The following ARHGAP32 variants were observed in gnomAD, a reference collection of about 807,000 sequenced individuals.
ARHGAP32 encodes rho GTPase-activating protein 32.
Under a neutral mutation model 186.5 loss-of-function variants are expected in ARHGAP32, and 51 were observed. The observed-to-expected ratio is 0.27, with a 90% confidence interval of 0.22 to 0.35. ARHGAP32 has a LOEUF of 0.35. ARHGAP32 is among the 10% of genes least tolerant of loss of function. The pLI, the probability that ARHGAP32 is intolerant of heterozygous loss-of-function variation, is 1.00. For synonymous variants in ARHGAP32, 950 were observed against 964.3 expected, an observed-to-expected ratio of 0.99 and a Z score of 0.27; for missense variants, 2,186 against 2,623.5, an observed-to-expected ratio of 0.83 and a Z score of 3.64.
At chr11:128,973,631 G>A (rs921601261) in intron 21 of ARHGAP32, 199 bp from the exon 22 acceptor site, 1 of 607,432 alleles carries the variant, frequency 1.6e-6, no homozygotes, top group Non-Finnish European at 2.9e-6. Flanking sequence ...AACAAACAGT[G>A]TATAAAGACT....
upstream of ARHGAP32, among the ~76,000 whole-genome samples, chr11:129,193,676 T>TAC (rs1944341145): frequency 2.1e-5 from 1 of 48,556 alleles, no homozygotes; most frequent in Non-Finnish European, 3.7e-5. Flanking sequence ...TTATATATAA[T>TAC]ATATAATATA....
chr11:129,278,339 G>T (rs1413056928), intron 1 of ARHGAP32, among the ~76,000 whole-genome samples: 1 of 152,094 alleles, frequency 6.6e-6, no homozygotes, highest in African/African-American at 2.4e-5. Flanking sequence ...TTTCCTAAAA[G>T]ATGACTATTA....
intron 6 of ARHGAP32, among the ~76,000 whole-genome samples, chr11:129,081,469 A>G (rs773872356): frequency 6.6e-6 from 1 of 152,130 alleles, no homozygotes; most frequent in Non-Finnish European, 1.5e-5. Flanking sequence ...AACCAAGTCA[A>G]TAAATGTAAT....
chr11:129,211,211 A>C (rs563105244), intron 1 of ARHGAP32, among the ~76,000 whole-genome samples: 13 of 152,188 alleles, frequency 8.5e-5, no homozygotes, highest in Admixed American at 2.0e-4. Flanking sequence ...CTGTTTTACT[A>C]GACTGCTATT....
At position 129,152,350 on chromosome 11, in the gene ARHGAP32, A is replaced by T. The variant is rs190372728; in HGVS notation, c.225+11969T>A. Among the ~76,000 whole-genome samples, 211 of 152,308 alleles carry T rather than the reference A, an allele frequency of 1.4e-3. 1 individual carries two copies. The highest frequency in any genetic ancestry group is 4.7e-3 in the African/African-American group (196 of 41,572). On this transcript the variant is annotated intron_variant, in intron 2 of 22. Transcript: ENST00000682385. ...AATCTTAGTGAAACTATTCCAAAAG[A>T]CAGAGAAAGAGGAAATCCTTCCTAA...
At chr11:129,220,689 C>A (rs1392666252) in intron 1 of ARHGAP32, among the ~76,000 whole-genome samples, 3 of 152,182 alleles carry the variant, frequency 2.0e-5, no homozygotes, top group Non-Finnish European at 4.4e-5. Flanking sequence ...CTAGGCTCCA[C>A]TCTAGAACTA....
At chr11:129,061,286 T>A (rs1335445396) in intron 10 of ARHGAP32, among the ~76,000 whole-genome samples, 1 of 152,156 alleles carries the variant, frequency 6.6e-6, no homozygotes, top group East Asian at 1.9e-4. Context: ...TAAAAAGTAG[T>A]TGCTAAGTCA....
At chr11:129,194,481 G>A (rs1374575521), upstream of ARHGAP32, among the ~76,000 whole-genome samples, 3 of 152,170 alleles carry the variant, frequency 2.0e-5, no homozygotes, top group African/African-American at 7.2e-5. Flanking sequence ...TTAAGGCAAA[G>A]AAGAAAGGGG....
At position 128,974,882 on chromosome 11, in the gene ARHGAP32, T is replaced by C. The variant is rs1945499012; in HGVS notation, c.2315A>G (p.Asn772Ser). Residue 772 changes from asparagine (N) to serine (S), a missense_variant, in exon 21 of 23, where the codon AAT becomes AGT. Asn to Ser is a conservative substitution (Grantham distance 46). Coordinates refer to ENST00000682385, the MANE Select transcript of ARHGAP32 (RefSeq NM_001378024.1). Reference sequence around the variant, plus strand: ...CAGCCCTCCTTCCTCCTCACTCTCATTGTCATGAGGCAGATTATCATAGGA... The same window carrying C: ...CAGCCCTCCTTCCTCCTCACTCTCACTGTCATGAGGCAGATTATCATAGGA... ...CNSYDNLPHDNESEEEGGLLH... is the reference protein window; with the variant it reads ...CNSYDNLPHDSESEEEGGLLH... The C allele has an allele frequency of 1.2e-6, 2 of 1,614,050 alleles. No homozygotes were observed. The highest frequency in any genetic ancestry group is 2.7e-5 in the African/African-American group (2 of 74,910).
chr11:129,134,098 A>C (rs1031564399), intron 2 of ARHGAP32, among the ~76,000 whole-genome samples: 2 of 152,188 alleles, frequency 1.3e-5, no homozygotes, highest in Non-Finnish European at 2.9e-5. Flanking sequence ...TATGTAAAAA[A>C]GATAAAAACA....
chr11:129,188,826 G>A (rs189612345), intron 1 of ARHGAP32, among the ~76,000 whole-genome samples: 4 of 152,230 alleles, frequency 2.6e-5, no homozygotes, highest in South Asian at 2.1e-4. Context: ...TCTACAGATC[G>A]TGATCAAAAA....
chr11:129,060,378 TAGATAAGATAGAC>T (rs1565401778), intron 10 of ARHGAP32, among the ~76,000 whole-genome samples: 21 of 145,230 alleles, frequency 1.4e-4, no homozygotes, highest in African/African-American at 5.3e-4. Flanking sequence ...GATAGATAGA[TAGATAAGATAGAC>T]AGACAGACAG....
At chr11:129,156,051 A>C (rs1423582685) in intron 2 of ARHGAP32, among the ~76,000 whole-genome samples, 2 of 152,044 alleles carry the variant, frequency 1.3e-5, no homozygotes, top group East Asian at 3.9e-4. Flanking sequence ...GAAACGGTGC[A>C]TTCTGATCCA....
chr11:129,028,431 G>C (rs548715287), intron 11 of ARHGAP32, among the ~76,000 whole-genome samples: 3 of 152,320 alleles, frequency 2.0e-5, no homozygotes, highest in African/African-American at 7.2e-5. Flanking sequence ...GCAAAGATAA[G>C]TTAGTTCCAC....
chr11:129,031,399 A>C (rs572912739), intron 11 of ARHGAP32, among the ~76,000 whole-genome samples: 1 of 152,318 alleles, frequency 6.6e-6, no homozygotes, highest in South Asian at 2.1e-4. Context: ...ATACCCAGAC[A>C]ATAAAATGTG....
At chr11:129,109,265 C>CAT (rs376895423) in intron 5 of ARHGAP32, among the ~76,000 whole-genome samples, 4,648 of 150,276 alleles carry the variant, frequency 0.031, 150 homozygotes, top group Admixed American at 0.089. Context: ...TATTCGATTG[C>CAT]ATATATATAT....
chr11:128,982,942 A>G (rs1945752760), intron 15 of ARHGAP32, among the ~76,000 whole-genome samples: 1 of 151,428 alleles, frequency 6.6e-6, no homozygotes, highest in Non-Finnish European at 1.5e-5. Flanking sequence ...AGACAGAAAT[A>G]TAAGGCTGTA....
Position 128,981,875 on chromosome 11 carries a change from T to G in ARHGAP32, c.1588A>C (p.Met530Leu). The G allele has an allele frequency of 6.2e-7, 1 of 1,613,628 alleles. No homozygotes were observed. Among genetic ancestry groups the G allele is most frequent in the Non-Finnish European group, 8.5e-7 (1 of 1,179,818 alleles). ...ACAATTGCTAGATTTTTTGCATGCA[T>G]ATTTGTGATGGAACAATAGTCAGCT... The part of the protein sequence containing the change: ...LLADYCSITN[M>L]HAKNLAIVWA... Residue 530 changes from methionine to leucine, a missense_variant, in exon 16 of 23, where the codon ATG (methionine) becomes CTG (leucine). Around this residue, in one of 5 missense-constraint regions of ARHGAP32, gnomAD observed 308 missense variants for 596.5 expected, o/e 0.52. Coordinates refer to ENST00000682385, the MANE Select transcript of ARHGAP32 (RefSeq NM_001378024.1).
chr11:129,156,185 A>G (rs572858649), intron 2 of ARHGAP32, among the ~76,000 whole-genome samples: 1 of 152,300 alleles, frequency 6.6e-6, no homozygotes, highest in East Asian at 1.9e-4. Context: ...ACACCGAGCT[A>G]GCTGCAGGAG....
Sources: allele counts gnomAD v4.1 joint callset (sites outside exome capture counted in the v4.1 genomes callset), GRCh38; gene constraint gnomAD v4.1.1; regional missense constraint gnomAD v4.1.1; transcripts MANE v1.5; gene names NCBI Gene and HGNC (gene_info 2026-07-23, HGNC 2026-07-21).